The following SULF2 variants were observed in gnomAD, a reference collection of about 807,000 sequenced individuals.
SULF2 encodes the protein sulfatase 2, also known as extracellular sulfatase Sulf-2.
A neutral mutation model predicts 107.7 loss-of-function variants in SULF2; 52 were observed. That is an observed-to-expected ratio of 0.48 (90% CI 0.39 to 0.61). SULF2 has a LOEUF of 0.61. Among genes scored for constraint, SULF2 ranks in the 20% least tolerant of loss-of-function variants. SULF2 has a pLI of 0.00. For missense variants in SULF2, 993 were observed against 1,177.3 expected (o/e 0.84, Z 2.29); for synonymous variants, 460 against 464.3 (o/e 0.99, Z 0.12).
At chr20:47,672,443 C>T in intron 10 of SULF2, 50 bp from the exon 11 acceptor site, 1 of 1,496,846 alleles carries the variant, frequency 6.7e-7, no homozygotes, top group Non-Finnish European at 8.9e-7. Flanking sequence ...CTCCCCTAAA[C>T]CCGCCTCTCC....
chr20:47,697,699 C>G (rs957140656), intron 4 of SULF2, among the ~76,000 whole-genome samples: 1 of 152,190 alleles, frequency 6.6e-6, no homozygotes, highest in Non-Finnish European at 1.5e-5. Flanking sequence ...ACGCCTCCCT[C>G]ACAGGGCTGT....
At chr20:47,664,712 A>T (rs1411791087) in intron 14 of SULF2, among the ~76,000 whole-genome samples, 1 of 152,222 alleles carries the variant, frequency 6.6e-6, no homozygotes, top group Non-Finnish European at 1.5e-5. Context: ...AATTTGAATT[A>T]AGCAAAATAA....
intron 3 of SULF2, among the ~76,000 whole-genome samples, chr20:47,716,853 A>G (rs560265975): frequency 6.6e-6 from 1 of 152,134 alleles, no homozygotes; most frequent in Non-Finnish European, 1.5e-5. Flanking sequence ...AAATAAATAT[A>G]TATAAATATA....
In SULF2 at chr20:47,661,892, ATCAGCTGGTTGCAAAAAAGGTAGTCTG is replaced by A. The variant is rs1382472410; in HGVS notation, c.2371-23_2374del. On this transcript the variant is annotated splice_acceptor_variant and splice_polypyrimidine_tract_variant and coding_sequence_variant and intron_variant, in exon 18 of 21. Transcript: ENST00000688720. LOFTEE classifies it high-confidence loss of function. ...CCTGTCCAGTGTGTTCACTGCATTCATCAGCTGGTTGCAAAAAAGGTAGTCTGTCAACAAGGTAAGTACAGGGACTCT... is the reference window on the plus strand; with the variant it reads ...CCTGTCCAGTGTGTTCACTGCATTCATCAACAAGGTAAGTACAGGGACTCT... The A allele has an allele frequency of 6.4e-7, 1 of 1,553,904 alleles. No individual in the cohort carries two copies. Among genetic ancestry groups the A allele is most frequent in the Non-Finnish European group, 8.8e-7 (1 of 1,140,038 alleles).
intron 3 of SULF2, among the ~76,000 whole-genome samples, chr20:47,727,325 T>C (rs1224824962): frequency 6.6e-6 from 1 of 152,030 alleles, no homozygotes; most frequent in Non-Finnish European, 1.5e-5. Context: ...CGCATGAAGA[T>C]GAAGGCAGAG....
At chr20:47,753,275 T>G (rs1326927189) in intron 2 of SULF2, among the ~76,000 whole-genome samples, 1 of 152,192 alleles carries the variant, frequency 6.6e-6, no homozygotes, top group Non-Finnish European at 1.5e-5. Context: ...ATTCTGGGGT[T>G]TGGAGTCTGG....
intron 3 of SULF2, among the ~76,000 whole-genome samples, chr20:47,727,628 C>T (rs1306685172): frequency 6.6e-6 from 1 of 152,164 alleles, no homozygotes; most frequent in Non-Finnish European, 1.5e-5. Context: ...TCCTCTTTCC[C>T]CGTGGCCACT....
chr20:47,750,183 T>C (rs919695612), intron 2 of SULF2, among the ~76,000 whole-genome samples: 1 of 152,212 alleles, frequency 6.6e-6, no homozygotes, highest in Admixed American at 6.5e-5. Flanking sequence ...GGTTTCACTA[T>C]GTTGGCCAGG....
Position 47,694,494 on chromosome 20 carries a change from G to A in SULF2, c.568-4199C>T, listed in dbSNP as rs2088309110. Among the ~76,000 whole-genome samples the A allele has an allele frequency of 6.6e-6, 1 of 152,216 alleles. No individual in the cohort carries two copies. Among genetic ancestry groups the A allele is most frequent in the South Asian group, 2.1e-4 (1 of 4,830 alleles). On this transcript the variant is annotated intron_variant, in intron 4 of 20. Transcript: ENST00000688720. This position sits in a 1 kb window ranked among gnomAD's most constrained non-coding sequence, Gnocchi z 4.4. Reference sequence around the variant, plus strand: ...AGGGTGAGATGGGTGGAGGTCCACAGGCCCAGGTGCATTTTCCAGAACCCG... The same window carrying A: ...AGGGTGAGATGGGTGGAGGTCCACAAGCCCAGGTGCATTTTCCAGAACCCG...
At position 47,658,048 on chromosome 20, in the gene SULF2, C is replaced by T. The variant is rs573908619; in HGVS notation, c.*314G>A. ...AATTTCCAAGGAAATCTCTCTCGCT[C>T]GCTCTCTCCGTTTTCCTTTGTGAGC... On this transcript the variant is annotated 3_prime_UTR_variant, in exon 21 of 21. Transcript: ENST00000688720. 8 of 394,292 alleles carry T rather than the reference C, an allele frequency of 2.0e-5. No homozygotes were observed. The highest frequency in any genetic ancestry group is 4.6e-5 in the South Asian group (1 of 21,796). 24.4% of individuals were successfully genotyped at this position (394,292 alleles called of 1,614,324 possible). A position where few individuals can be genotyped will look rare whatever the true frequency, so the allele number is the denominator to read the frequency against.
At chr20:47,671,143 G>T (rs1421766830) in intron 11 of SULF2, among the ~76,000 whole-genome samples, 1 of 152,170 alleles carries the variant, frequency 6.6e-6, no homozygotes, top group Admixed American at 6.5e-5. Flanking sequence ...TTCTGGCTGG[G>T]TCTAGAAGAG....
At chr20:47,759,896 A>G (rs907895764) in intron 1 of SULF2, among the ~76,000 whole-genome samples, 2 of 152,220 alleles carry the variant, frequency 1.3e-5, no homozygotes, top group Non-Finnish European at 2.9e-5. Context: ...TTATTGTCCA[A>G]TTCTTCCCCA....
intron 3 of SULF2, among the ~76,000 whole-genome samples, chr20:47,719,338 G>T (rs930809551): frequency 1.3e-5 from 2 of 152,174 alleles, no homozygotes; most frequent in African/African-American, 4.8e-5. Context: ...TACACCAGGT[G>T]GTGTGTGACT....
Position 47,687,910 on chromosome 20 carries a change from T to G in SULF2, c.737+2216A>C, listed in dbSNP as rs561514697. Reference sequence around the variant, plus strand: ...TCTGTAGAGACAGAGTCTCACTAAGTTGCCCAGGCTTGTGTGTGTTTCATT... The same window carrying G: ...TCTGTAGAGACAGAGTCTCACTAAGGTGCCCAGGCTTGTGTGTGTTTCATT... On this transcript the variant is annotated intron_variant, in intron 5 of 20. Transcript: ENST00000688720. Among the ~76,000 whole-genome samples, 3 of 152,260 alleles carry G rather than the reference T, an allele frequency of 2.0e-5. No individual in the cohort carries two copies. The East Asian group carries it at 5.8e-4, about 30-fold the overall frequency.
At chr20:47,764,116 T>C (rs566550042) in intron 1 of SULF2, among the ~76,000 whole-genome samples, 1 of 152,340 alleles carries the variant, frequency 6.6e-6, no homozygotes, top group South Asian at 2.1e-4. Flanking sequence ...ATTCAGGTTA[T>C]CTTCACCATC....
At chr20:47,749,840 T>A (rs923875248) in intron 2 of SULF2, among the ~76,000 whole-genome samples, 2 of 152,082 alleles carry the variant, frequency 1.3e-5, no homozygotes, top group Admixed American at 6.5e-5. Flanking sequence ...TTGTATACGA[T>A]CCCCACCGTG....
Position 47,664,042 on chromosome 20 carries a change from C to G in SULF2, c.2057+88G>C, listed in dbSNP as rs2087180867. ...CCCAGGGAAGGGCCTGGACTTCTTT[C>G]CTTTTCTTCTGAGTTTTAGCTTAAG... On this transcript the variant is annotated intron_variant, in intron 15 of 20. Coordinates refer to ENST00000688720, the MANE Select transcript of SULF2 (RefSeq NM_001387048.1). 16 of 1,415,956 alleles carry G rather than the reference C, an allele frequency of 1.1e-5. No individual in the cohort carries two copies. The South Asian group carries it at 1.8e-4, about 16-fold the overall frequency. The allele number at this position is 1,415,956 out of a possible 1,614,324, so 87.7% of individuals were successfully genotyped here.
chr20:47,704,931 T>C (rs1345380777), intron 3 of SULF2, among the ~76,000 whole-genome samples: 2 of 152,146 alleles, frequency 1.3e-5, no homozygotes, highest in Non-Finnish European at 2.9e-5. Flanking sequence ...TATCCACCAG[T>C]GTCCTTGGAG....
chr20:47,760,848 G>C (rs536995685), intron 1 of SULF2, among the ~76,000 whole-genome samples: 3 of 152,188 alleles, frequency 2.0e-5, no homozygotes, highest in African/African-American at 7.2e-5. Context: ...TCAATCTCTC[G>C]TCTGCAGAAA....
Sources: allele counts gnomAD v4.1 joint callset (sites outside exome capture counted in the v4.1 genomes callset), GRCh38; gene constraint gnomAD v4.1.1; non-coding constraint Gnocchi (gnomAD v3.1); transcripts MANE v1.5; gene names NCBI Gene and HGNC (gene_info 2026-07-23, HGNC 2026-07-21).